SGK3: variants seen among roughly 807,000 people sequenced by gnomAD.
The protein encoded by SGK3 is serine/threonine-protein kinase Sgk3.
Under a neutral mutation model 68.5 loss-of-function variants are expected in SGK3, and 47 were observed. The ratio of observed to expected loss-of-function variants is 0.69; its 90% CI spans 0.54 to 0.87. The LOEUF is 0.87. Ranked by LOEUF, SGK3 falls within the 40% of genes least tolerant of loss-of-function variation. SGK3 has a pLI of 0.00. For synonymous variants in SGK3, 181 were observed against 189.1 expected (o/e 0.96, Z 0.35); for missense variants, 479 against 575.5 (o/e 0.83, Z 1.72).
chr8:66,774,989 G>T (rs1806636811), intron 1 of SGK3, among the ~76,000 whole-genome samples: 1 of 152,200 alleles, frequency 6.6e-6, no homozygotes, highest in Admixed American at 6.5e-5. Context: ...GGGTCCTCTC[G>T]TTTTCTGTCT....
chr8:66,803,418 C>T (rs1808026016), intron 3 of SGK3, among the ~76,000 whole-genome samples: 1 of 151,990 alleles, frequency 6.6e-6, no homozygotes, highest in Non-Finnish European at 1.5e-5. Flanking sequence ...CAACCTTGAC[C>T]TCCCTGGCTC....
intron 1 of SGK3, among the ~76,000 whole-genome samples, chr8:66,766,860 C>CT (rs955322530): frequency 5.3e-5 from 8 of 151,898 alleles, no homozygotes; most frequent in Non-Finnish European, 8.8e-5. Flanking sequence ...CTCTAGCTTT[C>CT]TTTTTTTTGA....
At chr8:66,815,830 C>A (rs1808551795) in intron 5 of SGK3, among the ~76,000 whole-genome samples, 1 of 152,036 alleles carries the variant, frequency 6.6e-6, no homozygotes, top group Non-Finnish European at 1.5e-5. Context: ...AAACTAAAAG[C>A]AATTGGATTA....
chr8:66,812,805 C>T (rs1808432684), intron 4 of SGK3, among the ~76,000 whole-genome samples: 2 of 151,912 alleles, frequency 1.3e-5, no homozygotes. Context: ...TGGAAAAGTT[C>T]AAGGTTAGGA....
At chr8:66,722,788 T>G (rs1461847217) in intron 1 of SGK3, among the ~76,000 whole-genome samples, 1 of 152,124 alleles carries the variant, frequency 6.6e-6, no homozygotes, top group Non-Finnish European at 1.5e-5. Context: ...CATCTGCTTC[T>G]GGGGAGGCCC....
intron 1 of SGK3, among the ~76,000 whole-genome samples, chr8:66,781,056 A>G (rs1423647943): frequency 6.6e-6 from 1 of 152,146 alleles, no homozygotes; most frequent in Non-Finnish European, 1.5e-5. Flanking sequence ...GGCCCCATCC[A>G]TCTGCCAGTC....
In SGK3 at chr8:66,765,608, G is replaced by A. The variant is rs143508453; in HGVS notation, c.-121-28008G>A. 5.9e-5 allele frequency among the ~76,000 whole-genome samples: 9 copies of A among 152,100 alleles called. No individual in the cohort carries two copies. The East Asian group carries it at 1.5e-3, about 26-fold the overall frequency. On this transcript the variant is annotated intron_variant, in intron 1 of 16. Coordinates refer to ENST00000521198, the MANE Select transcript of SGK3 (RefSeq NM_001033578.3). ...GCAATACCTTCTAAGTCCTAGTTTA[G>A]TGCACTCCACAACGTTCGATATGTT...
intron 4 of SGK3, among the ~76,000 whole-genome samples, chr8:66,805,903 A>C (rs1808139287): frequency 6.6e-6 from 1 of 152,192 alleles, no homozygotes; most frequent in African/African-American, 2.4e-5. Flanking sequence ...CCTTATATTG[A>C]GTGTGCTTTC....
chr8:66,792,633 C>T (rs1019014376), intron 1 of SGK3, among the ~76,000 whole-genome samples: 1 of 152,076 alleles, frequency 6.6e-6, no homozygotes, highest in African/African-American at 2.4e-5. Flanking sequence ...AATCCTAGCA[C>T]TTTGGGAGAT....
intron 1 of SGK3, among the ~76,000 whole-genome samples, chr8:66,770,743 G>A (rs35517376): frequency 0.12 from 18,903 of 152,084 alleles, 2,169 homozygotes; most frequent in African/African-American, 0.3. Context: ...ACTGATCTGC[G>A]TTGTCAAATT....
chr8:66,834,719 G>A (rs942986151), intron 8 of SGK3, among the ~76,000 whole-genome samples: 1 of 151,904 alleles, frequency 6.6e-6, no homozygotes, highest in Non-Finnish European at 1.5e-5. Context: ...GGATCACAAG[G>A]CCAGGAAATC....
chr8:66,757,257 G>C (rs1270189217), intron 1 of SGK3, among the ~76,000 whole-genome samples: 4 of 151,134 alleles, frequency 2.6e-5, no homozygotes, highest in Middle Eastern at 6.8e-3. Flanking sequence ...TTAGCCTCCT[G>C]AGTAGCTGGG....
chr8:66,762,474 G>A (rs1028052000), intron 1 of SGK3, among the ~76,000 whole-genome samples: 38 of 151,946 alleles, frequency 2.5e-4, no homozygotes, highest in Admixed American at 2.0e-3. Context: ...CCAAGATCGC[G>A]CCACTGCACT....
chr8:66,794,825 A>G (rs555939390), intron 2 of SGK3, among the ~76,000 whole-genome samples: 39 of 152,272 alleles, frequency 2.6e-4, no homozygotes, highest in African/African-American at 8.9e-4. Flanking sequence ...CATTTGAGCT[A>G]TAAAGTGGCT....
chr8:66,832,194 A>G (rs1041429760), intron 8 of SGK3, among the ~76,000 whole-genome samples: 13 of 152,234 alleles, frequency 8.5e-5, no homozygotes, highest in African/African-American at 7.2e-5. Flanking sequence ...CAGATGAATC[A>G]TGTAACTTGA....
intron 13 of SGK3, among the ~76,000 whole-genome samples, chr8:66,841,808 G>C (rs995481056): frequency 6.6e-6 from 1 of 152,112 alleles, no homozygotes; most frequent in Admixed American, 6.6e-5. Context: ...AGCAAAAAAA[G>C]TATCTATTTG....
chr8:66,714,539 T>C (rs751017381), intron 1 of SGK3, among the ~76,000 whole-genome samples: 3 of 152,208 alleles, frequency 2.0e-5, no homozygotes, highest in Admixed American at 6.5e-5. Flanking sequence ...TATTTAACTT[T>C]TCAGAGAGAT....
At chr8:66,761,183 A>G (rs1226715994) in intron 1 of SGK3, among the ~76,000 whole-genome samples, 7 of 152,132 alleles carry the variant, frequency 4.6e-5, no homozygotes, top group Admixed American at 3.9e-4. Context: ...ATAGCTCACT[A>G]TAACTTCAAA....
chr8:66,796,555 C>T (rs1207091909), intron 2 of SGK3, among the ~76,000 whole-genome samples: 2 of 151,678 alleles, frequency 1.3e-5, no homozygotes, highest in Non-Finnish European at 2.9e-5. Context: ...GCCTCAGCCT[C>T]CCGAAGTGCT....
Sources: allele counts gnomAD v4.1 joint callset (sites outside exome capture counted in the v4.1 genomes callset), GRCh38; gene constraint gnomAD v4.1.1; transcripts MANE v1.5; gene names NCBI Gene and HGNC (gene_info 2026-07-23, HGNC 2026-07-21).